Variants in SARS2 observed in about 807,000 individuals in gnomAD.
SARS2 encodes seryl-tRNA synthetase 2, mitochondrial, also known as serine--tRNA ligase, mitochondrial.
A neutral mutation model predicts 66.8 loss-of-function variants in SARS2; 52 were observed. The observed-to-expected ratio is 0.78, with a 90% CI of 0.62 to 0.98. The LOEUF is 0.98. Ranked by LOEUF, SARS2 falls within the 50% of genes least tolerant of loss-of-function variation. The pLI, the probability that SARS2 is intolerant of heterozygous loss-of-function variation, is 0.00. For synonymous variants in SARS2, 306 were observed against 281.4 expected (o/e 1.09, Z -0.87); for missense variants, 673 against 706.3 (o/e 0.95, Z 0.53).
At position 38,921,560 on chromosome 19, in the gene SARS2, C is replaced by G. The variant is rs140304897; in HGVS notation, c.501G>C (p.Ala167=). 2 of 1,614,084 alleles carry G rather than the reference C, an allele frequency of 1.2e-6. No individual in the cohort carries two copies. The highest frequency in any genetic ancestry group is 2.7e-5 in the African/African-American group (2 of 74,932). ...GGTGGGTCTGGTTGGGCAGCTTCAG[C>G]GCCTGCAGGTAGAACTGCTCCTCAA... ...AQLEEQFYLQ[A]LKLPNQTHPD... is the part of the protein sequence containing the mutation. Residue 167 remains alanine, a synonymous_variant, in exon 4 of 16, where the codon GCG becomes GCC. Coordinates refer to ENST00000221431, the MANE Select transcript of SARS2 (RefSeq NM_017827.4).
intron 3 of SARS2, 172 bp from the exon 4 acceptor site, chr19:38,921,839 T>TG (rs1974542713): frequency 7.6e-7 from 1 of 1,323,312 alleles, no homozygotes; most frequent in Non-Finnish European, 1.1e-6. Context: ...GGCAGGTTTG[T>TG]GGGGAAAAGA....
rs765876039 is a variant in SARS2 at position 38,915,748 on chromosome 19, T to A, written c.1415A>T (p.Asp472Val). ...GGCAGGGGGCACGAGCACTGAGCCG[T>A]CCTGGGGACAGAGCAGACCTCAGGA... The part of the protein sequence containing the change: ...IALLESNQQK[D>V]GSVLVPPALQ... The change falls in exon 16 of 16, where the codon GAC becomes GTC. Residue 472 changes from aspartate to valine, a missense_variant and splice_region_variant. Coordinates refer to ENST00000221431, the MANE Select transcript of SARS2 (RefSeq NM_017827.4). 34 of 1,613,092 alleles carry A rather than the reference T, an allele frequency of 2.1e-5. No individual in the cohort carries two copies. The highest frequency in any genetic ancestry group is 2.9e-5 in the Non-Finnish European group (34 of 1,179,954).
At position 38,918,914 on chromosome 19, in the gene SARS2, G is replaced by A. The variant is rs1382672268; in HGVS notation, c.760-101C>T. The A allele has an allele frequency of 1.7e-5, 21 of 1,209,640 alleles. No individual in the cohort carries two copies. The East Asian group carries it at 3.1e-4, about 18-fold the overall frequency. 74.9% of individuals were successfully genotyped at this position (1,209,640 alleles called of 1,614,324 possible). A position where few individuals can be genotyped will look rare whatever the true frequency, so the allele number is the denominator to read the frequency against. The stretch of plus-strand genomic sequence containing the variant: ...CTGCAGAGCCCCTTCCTCCTCAGAC[G>A]AAACTGAGGCAGGGGCTGGCGCAGT... On this transcript the variant is annotated intron_variant, in intron 7 of 15. Coordinates refer to ENST00000221431, the MANE Select transcript of SARS2 (RefSeq NM_017827.4).
intron 7 of SARS2, 60 bp downstream of exon 7, chr19:38,919,702 C>T (rs1974481959): frequency 1.5e-6 from 2 of 1,311,836 alleles, no homozygotes; most frequent in Non-Finnish European, 1.1e-6. Context: ...CCCCGTTGGG[C>T]CCTCTGAGCT....
intron 1 of SARS2, 63 bp downstream of exon 1, chr19:38,930,407 T>G (rs1209582926): frequency 1.3e-6 from 2 of 1,530,942 alleles, no homozygotes; most frequent in East Asian, 2.3e-5. Flanking sequence ...GAGGGCATCT[T>G]GCAAACCCAA....
intron 12 of SARS2, among the ~76,000 whole-genome samples, chr19:38,917,306 A>G (rs1974434936): frequency 6.6e-6 from 1 of 152,174 alleles, no homozygotes; most frequent in Non-Finnish European, 1.5e-5. Context: ...AGAAGTCCAC[A>G]TTTCTCAGCC....
rs1400779432 is a variant in SARS2 at position 38,919,849 on chromosome 19, A to G, written c.672T>C (p.Ser224=). The G allele has an allele frequency of 6.2e-7, 1 of 1,614,110 alleles. No individual in the cohort carries two copies. Among genetic ancestry groups the G allele is most frequent in the African/African-American group, 1.3e-5 (1 of 75,050 alleles). Residue 224 remains serine (S), a synonymous_variant, in exon 7 of 16, where the codon TCT becomes TCC. Coordinates refer to ENST00000221431, the MANE Select transcript of SARS2 (RefSeq NM_017827.4). Reference sequence around the variant, plus strand: ...CGCGCAGGTAATAGGACCGGTGGCCAGACACGTGGGACAGGCGCCTGGGAG... The same window carrying G: ...CGCGCAGGTAATAGGACCGGTGGCCGGACACGTGGGACAGGCGCCTGGGAG... The part of the protein sequence containing the change: ...IIRQKRLSHV[S]GHRSYYLRGA...
rs1250672969 is a variant in SARS2 at position 38,916,375 on chromosome 19, A to G, written c.1161-61T>C. 100 of 1,440,668 alleles carry G rather than the reference A, an allele frequency of 6.9e-5. 1 individual carries two copies. Among genetic ancestry groups the G allele is most frequent in the Non-Finnish European group, 3.1e-5 (32 of 1,028,474 alleles). 89.2% of individuals were successfully genotyped at this position (1,440,668 alleles called of 1,614,324 possible). ...GGGTGAGAGGAGGAGCAAGAGGAAC[A>G]AATGGAAACGATGGAAGAGAAGGCA... On this transcript the variant is annotated intron_variant, in intron 12 of 15. Coordinates refer to ENST00000221431, the MANE Select transcript of SARS2 (RefSeq NM_017827.4).
At chr19:38,926,086 G>C in intron 2 of SARS2, 119 bp downstream of exon 2, 3 of 869,206 alleles carry the variant, frequency 3.5e-6, no homozygotes, top group Non-Finnish European at 5.7e-6. Context: ...GAGTAGCTGG[G>C]ATTATAGGCG....
At chr19:38,916,962 CTTTAT>C (rs1974429176) in intron 12 of SARS2, among the ~76,000 whole-genome samples, 1 of 149,482 alleles carries the variant, frequency 6.7e-6, no homozygotes, top group Non-Finnish European at 1.5e-5. Context: ...CGTGCCTGGC[CTTTAT>C]TTTTTTTTTT....
chr19:38,917,859 G>A, intron 11 of SARS2, 26 bp from the exon 12 acceptor site: 2 of 1,613,516 alleles, frequency 1.2e-6, no homozygotes, highest in East Asian at 2.2e-5. Flanking sequence ...CAGGAGTCAG[G>A]AGGCTCTGAG....
Position 38,926,229 on chromosome 19 carries a change from C to A in SARS2, c.339G>T (p.Val113=). 1 of 1,606,796 alleles carries A rather than the reference C, an allele frequency of 6.2e-7. No homozygotes were observed. Residue 113 remains valine, a synonymous_variant, in exon 2 of 16, where the codon GTG becomes GTT. Coordinates refer to ENST00000221431, the MANE Select transcript of SARS2 (RefSeq NM_017827.4). ...CCAGCAGGGCCCGCACTGCCTCAGTCACAGCTGCCTTCTCTTCCTCCAGGC... is the reference window on the plus strand; with the variant it reads ...CCAGCAGGGCCCGCACTGCCTCAGTAACAGCTGCCTTCTCTTCCTCCAGGC... ...IRSLEEEKAA[V]TEAVRALLAN... is the part of the protein sequence containing the mutation.
At position 38,929,722 on chromosome 19, in the gene SARS2, T is replaced by TA. The variant is rs770058982; in HGVS notation, c.267+747dup. 2.8e-4 allele frequency among the ~76,000 whole-genome samples: 43 copies of TA among 152,244 alleles called. 1 individual carries two copies. Among genetic ancestry groups the TA allele is most frequent in the South Asian group, 8.3e-4 (4 of 4,830 alleles). On this transcript the variant is annotated intron_variant, in intron 1 of 15. Transcript: ENST00000221431. ...GGGAGAAATAATGGCACCTACTTCA[T>TA]AGAGTTGCTGTGAAAATTAAACGAG...
At chr19:38,919,342 T>G (rs1377368488) in intron 7 of SARS2, among the ~76,000 whole-genome samples, 1 of 152,192 alleles carries the variant, frequency 6.6e-6, no homozygotes, top group Non-Finnish European at 1.5e-5. Context: ...AAGCCTCCCA[T>G]GGCTCCCTAG....
intron 5 of SARS2, among the ~76,000 whole-genome samples, chr19:38,920,966 TACAG>T (rs1441993316): frequency 1.6e-5 from 2 of 126,310 alleles, no homozygotes; most frequent in Non-Finnish European, 3.6e-5. Flanking sequence ...CAGACACAGA[TACAG>T]ACACACACAA....
chr19:38,923,219 C>CT (rs1165441029), intron 2 of SARS2, among the ~76,000 whole-genome samples: 30,984 of 75,718 alleles, frequency 0.41, 7,983 homozygotes, highest in African/African-American at 0.49. Context: ...CTCAGGTTTT[C>CT]TTTTTTTTTT....
At chr19:38,923,225 T>TC (rs1436217656) in intron 2 of SARS2, among the ~76,000 whole-genome samples, 4 of 117,300 alleles carry the variant, frequency 3.4e-5, no homozygotes, top group African/African-American at 1.3e-4. Context: ...TTTTCTTTTT[T>TC]TTTTTTTTTT....
chr19:38,922,089 T>C (rs1317736983), intron 3 of SARS2, 149 bp downstream of exon 3: 5 of 1,598,800 alleles, frequency 3.1e-6, no homozygotes, highest in Non-Finnish European at 4.3e-6. Flanking sequence ...CTGAAGCCAG[T>C]TTTAGTTTCA....
rs372552234 is a variant in SARS2, at chr19:38,915,735, G to A, written c.1428C>T (p.Leu476=). 3.2e-5 allele frequency: 52 copies of A among 1,613,046 alleles called. No individual in the cohort carries two copies. Among genetic ancestry groups the A allele is most frequent in the Non-Finnish European group, 3.9e-5 (46 of 1,179,654 alleles). Residue 476 remains leucine (L), a synonymous_variant, in exon 16 of 16, where the codon CTC becomes CTT. Transcript: ENST00000221431. The part of the protein sequence containing the change: ...ESNQQKDGSV[L]VPPALQSYLG... ...GGTAGGACTGGAGGGCAGGGGGCAC[G>A]AGCACTGAGCCGTCCTGGGGACAGA...
Sources: allele counts gnomAD v4.1 joint callset (sites outside exome capture counted in the v4.1 genomes callset), GRCh38; gene constraint gnomAD v4.1.1; transcripts MANE v1.5; gene names NCBI Gene and HGNC (gene_info 2026-07-23, HGNC 2026-07-21).